Variants in PARP15 observed in about 807,000 individuals in gnomAD.
PARP15 encodes the protein protein mono-ADP-ribosyltransferase PARP15.
A neutral mutation model predicts 62.1 loss-of-function variants in PARP15; 50 were observed. The ratio of observed to expected loss-of-function variants is 0.81; its 90% CI spans 0.64 to 1.02. The LOEUF is 1.02. PARP15 is among the 50% of genes least tolerant of loss of function. PARP15 has a pLI of 0.00. For synonymous variants in PARP15, 309 were observed against 293.1 expected (o/e 1.05, Z -0.55); for missense variants, 820 against 826.5 (o/e 0.99, Z 0.10).
intron 8 of PARP15, among the ~76,000 whole-genome samples, chr3:122,624,150 C>T (rs564823137): frequency 6.5e-5 from 9 of 138,250 alleles, no homozygotes; most frequent in African/African-American, 1.6e-4. Flanking sequence ...GACTCTATCT[C>T]GGAAAAAAAA....
chr3:122,579,465 C>T (rs1321460966), intron 1 of PARP15, among the ~76,000 whole-genome samples: 1 of 152,052 alleles, frequency 6.6e-6, no homozygotes, highest in Non-Finnish European at 1.5e-5. Flanking sequence ...GAGTTTTCTA[C>T]CAGTTTCTTT....
At chr3:122,635,601 A>AG (rs959008726) in intron 11 of PARP15, among the ~76,000 whole-genome samples, 27 of 152,002 alleles carry the variant, frequency 1.8e-4, no homozygotes, top group African/African-American at 5.3e-4. Flanking sequence ...TTTGTAGAGA[A>AG]GGGGTCTCAT....
intron 8 of PARP15, among the ~76,000 whole-genome samples, chr3:122,624,865 G>A (rs4677966): frequency 0.56 from 84,935 of 151,926 alleles, 24,362 homozygotes; most frequent in African/African-American, 0.69. Flanking sequence ...TCTGAGATAT[G>A]TAAATTTCAA....
At chr3:122,625,440 G>A (rs1490517483) in intron 8 of PARP15, among the ~76,000 whole-genome samples, 1 of 152,064 alleles carries the variant, frequency 6.6e-6, no homozygotes, top group Non-Finnish European at 1.5e-5. Flanking sequence ...TTTTAGTGGT[G>A]GCAGGATTTC....
At chr3:122,615,538 C>T in intron 4 of PARP15, 1 of 1,112,024 alleles carries the variant, frequency 9.0e-7, no homozygotes, top group Non-Finnish European at 1.2e-6. Context: ...GTCAGCACCC[C>T]TGCTGACATA....
At chr3:122,616,203 C>T (rs1050600984) in intron 5 of PARP15, among the ~76,000 whole-genome samples, 3 of 151,890 alleles carry the variant, frequency 2.0e-5, no homozygotes, top group African/African-American at 7.3e-5. Flanking sequence ...ACTGTATAAA[C>T]GTTGAAAGGT....
chr3:122,627,111 T>C (rs1432026644), intron 9 of PARP15, 78 bp downstream of exon 9: 1 of 1,206,868 alleles, frequency 8.3e-7, no homozygotes, highest in Non-Finnish European at 1.2e-6. Flanking sequence ...GAATGTACAC[T>C]GAGTTTATAG....
intron 1 of PARP15, among the ~76,000 whole-genome samples, chr3:122,581,891 C>T (rs2088781): frequency 0.37 from 56,491 of 152,008 alleles, 10,925 homozygotes; most frequent in Admixed American, 0.46. Context: ...ACTGTTTTGA[C>T]TACTGTAGCT....
intron 2 of PARP15, among the ~76,000 whole-genome samples, chr3:122,607,033 G>A (rs1935203417): frequency 6.6e-6 from 1 of 152,158 alleles, no homozygotes. Flanking sequence ...TCTGTCACGT[G>A]GGTTCAGGAC....
At chr3:122,619,167 A>G (rs1936177690) in intron 6 of PARP15, among the ~76,000 whole-genome samples, 2 of 152,208 alleles carry the variant, frequency 1.3e-5, no homozygotes, top group African/African-American at 2.4e-5. Context: ...GGGAAGTGCC[A>G]TATTAGCCTC....
At chr3:122,587,149 G>T (rs923337260) in intron 1 of PARP15, among the ~76,000 whole-genome samples, 1 of 152,154 alleles carries the variant, frequency 6.6e-6, no homozygotes, top group African/African-American at 2.4e-5. Flanking sequence ...AGCACTAAAT[G>T]ATAGTCCCTT....
At chr3:122,591,720 T>G (rs1256883918) in intron 1 of PARP15, among the ~76,000 whole-genome samples, 2 of 132,554 alleles carry the variant, frequency 1.5e-5, no homozygotes, top group Non-Finnish European at 1.5e-5. Flanking sequence ...GAGCCGAGAT[T>G]GCTCCACTGC....
rs776496069 is a variant in PARP15, at chr3:122,621,506, A to G, written c.1126A>G (p.Ile376Val). ...TGGATGCTTAAAGTGCAAAATAATAATTCATGTTCCTGGGGGAAAAGATGT... is the reference window on the plus strand; with the variant it reads ...TGGATGCTTAAAGTGCAAAATAATAGTTCATGTTCCTGGGGGAAAAGATGT... The part of the protein sequence containing the change: ...PGGCLKCKII[I>V]HVPGGKDVRK... The change falls in exon 8 of 12, where the codon ATT becomes GTT. Residue 376 changes from isoleucine to valine, a missense_variant. Transcript: ENST00000464300. The G allele has an allele frequency of 1.2e-6, 2 of 1,614,028 alleles. No homozygotes were observed. The highest frequency in any genetic ancestry group is 1.7e-6 in the Non-Finnish European group (2 of 1,179,960).
intron 4 of PARP15, 149 bp from the exon 5 acceptor site, chr3:122,615,630 G>T: frequency 6.7e-7 from 1 of 1,494,744 alleles, no homozygotes; most frequent in Non-Finnish European, 9.0e-7. Flanking sequence ...AGGTTGAACC[G>T]CAATCCTTTA....
chr3:122,637,159 A>G lies in PARP15; in HGVS notation c.*1059A>G, dbSNP rs1207635573. 2 of 152,208 alleles carry G rather than the reference A, an allele frequency of 1.3e-5. No homozygotes were observed. The highest frequency in any genetic ancestry group is 2.9e-5 in the Non-Finnish European group (2 of 68,094). 9.4% of individuals were successfully genotyped at this position (152,208 alleles called of 1,614,324 possible). ...TCTTGGAAGCTGTGTGAATGAGCAA[A>G]TGAATGCACAGATAGAATATTAGCA... On this transcript the variant is annotated 3_prime_UTR_variant, in exon 12 of 12. Transcript: ENST00000464300.
rs1489987010 is a variant in PARP15, at chr3:122,588,674, A to G, written c.186+10821A>G. ...CTGTCTCTAAAAAATAAAAATAAAT[A>G]AAACAAAGAAATTTTCATCACCGCA... is the stretch of plus-strand genomic sequence containing the variant. On this transcript the variant is annotated intron_variant, in intron 1 of 11. Coordinates refer to ENST00000464300, the MANE Select transcript of PARP15 (RefSeq NM_001113523.3). Among the ~76,000 whole-genome samples, 4 of 152,258 alleles carry G rather than the reference A, an allele frequency of 2.6e-5. No homozygotes were observed. In the East Asian group the frequency reaches 7.7e-4, roughly 29 times the overall value.
At chr3:122,610,470 C>T in intron 2 of PARP15, 24 bp from the exon 3 acceptor site, 1 of 1,524,558 alleles carries the variant, frequency 6.6e-7, no homozygotes, top group Non-Finnish European at 8.9e-7. Context: ...GATTCAATCT[C>T]TAACTGTTGC....
Position 122,627,023 on chromosome 3 carries a change from C to T in PARP15, c.1428C>T (p.Ser476=), listed in dbSNP as rs17208928. 289,111 of 1,608,032 alleles carry T rather than the reference C, an allele frequency of 0.18. 28,775 individuals are homozygous for T. Among genetic ancestry groups the T allele is most frequent in the Middle Eastern group, 0.21 (1,273 of 6,034 alleles). ...SASLNFQSTF[S]MTTCNLPEHW... The stretch of plus-strand genomic sequence containing the variant: ...CACTGAACTTTCAGTCCACATTCTC[C>T]ATGACTACATGTAAGATGTTCACTT... The change falls in exon 9 of 12, where the codon TCC becomes TCT. Residue 476 remains serine (S), a synonymous_variant. Transcript: ENST00000464300.
chr3:122,599,350 G>T (rs546833883), intron 1 of PARP15, among the ~76,000 whole-genome samples: 1 of 150,712 alleles, frequency 6.6e-6, no homozygotes, highest in African/African-American at 2.4e-5. Context: ...TCCAGCCTGG[G>T]CAACAGAGCG....
Sources: allele counts gnomAD v4.1 joint callset (sites outside exome capture counted in the v4.1 genomes callset), GRCh38; gene constraint gnomAD v4.1.1; transcripts MANE v1.5; gene names NCBI Gene and HGNC (gene_info 2026-07-23, HGNC 2026-07-21).